FRMPD4: variants seen among roughly 807,000 people sequenced by gnomAD.
FRMPD4 encodes FERM and PDZ domain containing 4, also known as FERM and PDZ domain-containing protein 4.
In FRMPD4, 22 loss-of-function variants were observed where a neutral mutation model predicts 94.1. The ratio of observed to expected loss-of-function variants is 0.23; its 90% CI spans 0.17 to 0.33. FRMPD4 has a LOEUF of 0.33. Ranked by LOEUF, FRMPD4 falls within the 10% of genes least tolerant of loss-of-function variation. The probability of loss-of-function intolerance (pLI) is 1.00; values close to 1 mark genes in which losing one functional copy is unlikely to be tolerated. For missense variants in FRMPD4, 1,111 were observed against 1,339.9 expected (o/e 0.83, Z 2.67); for synonymous variants, 631 against 548.6 (o/e 1.15, Z -2.10).
intron 1 of FRMPD4, among the ~76,000 whole-genome samples, chrX:11,841,622 A>T (rs1358707120): frequency 3.6e-5 from 4 of 111,287 alleles, no homozygotes; most frequent in Non-Finnish European, 7.5e-5. Flanking sequence ...AATGTGTTTG[A>T]GTTCATTGTA....
At chrX:11,907,971 T>C (rs188862850) in intron 3 of FRMPD4, among the ~76,000 whole-genome samples, 1 of 110,003 alleles carries the variant, frequency 9.1e-6, no homozygotes, top group Admixed American at 9.7e-5. Context: ...CTTCTCCTCT[T>C]CTTTGTCCTC....
chrX:12,127,529 G>A (rs865090), intron 3 of FRMPD4, among the ~76,000 whole-genome samples: 11,116 of 111,171 alleles, frequency 0.1, 491 homozygotes, highest in African/African-American at 0.15. Context: ...CCACAGGTGG[G>A]GATTATGAGA....
At chrX:12,254,531 G>C (rs1263374752) in intron 1 of FRMPD4, among the ~76,000 whole-genome samples, 1 of 111,876 alleles carries the variant, frequency 8.9e-6, no homozygotes, top group African/African-American at 3.2e-5. Flanking sequence ...GCTGGTGGCA[G>C]AAAGGCAGGC....
chrX:12,386,183 C>T lies in FRMPD4; in HGVS notation c.42-112497C>T, dbSNP rs1375212082. ...AAACCAGGTGTTCAGAGTTAAATCT[C>T]ATAACATCTGGAAGGAGCTCAGTGC... On this transcript the variant is annotated intron_variant, in intron 1 of 16. Coordinates refer to ENST00000675598, the MANE Select transcript of FRMPD4 (RefSeq NM_001368397.1). Among the ~76,000 whole-genome samples the T allele has an allele frequency of 4.4e-5, 5 of 112,589 alleles. No individual in the cohort carries two copies. In the South Asian group the frequency reaches 1.1e-3, roughly 25 times the overall value.
intron 1 of FRMPD4, among the ~76,000 whole-genome samples, chrX:12,470,272 G>A (rs1347092135): frequency 1.8e-5 from 2 of 111,760 alleles, no homozygotes; most frequent in African/African-American, 6.5e-5. Flanking sequence ...GGAAATTGTC[G>A]TTAACATCTC....
intron 2 of FRMPD4, among the ~76,000 whole-genome samples, chrX:12,505,696 C>T (rs1026742723): frequency 9.4e-4 from 91 of 96,414 alleles, no homozygotes; most frequent in African/African-American, 3.2e-3. Flanking sequence ...CATTGCACTC[C>T]AGCCTGGGCA....
chrX:12,297,172 A>C (rs1292636917), intron 1 of FRMPD4, among the ~76,000 whole-genome samples: 9 of 112,901 alleles, frequency 8.0e-5, no homozygotes, highest in Non-Finnish European at 1.3e-4. Context: ...CTACCAGTTT[A>C]ACCTGAGCTA....
intron 2 of FRMPD4, among the ~76,000 whole-genome samples, chrX:12,524,725 T>C (rs2058202853): frequency 9.0e-6 from 1 of 111,541 alleles, no homozygotes; most frequent in Non-Finnish European, 1.9e-5. Context: ...ACCTTGATAT[T>C]CTCTGCCTCC....
At chrX:12,370,069 T>C (rs73632682) in intron 1 of FRMPD4, among the ~76,000 whole-genome samples, 5,250 of 111,986 alleles carry the variant, frequency 0.047, 292 homozygotes, top group African/African-American at 0.16. Flanking sequence ...TTTATCATAA[T>C]TTTCCAATTT....
intron 1 of FRMPD4, among the ~76,000 whole-genome samples, chrX:12,154,977 G>A (rs955471866): frequency 2.7e-5 from 3 of 112,214 alleles, no homozygotes; most frequent in Non-Finnish European, 5.6e-5. Context: ...TCTTTGTGAG[G>A]CTCTTTCTTT....
chrX:12,116,045 T>C (rs1214139624), intron 3 of FRMPD4, among the ~76,000 whole-genome samples: 1 of 112,542 alleles, frequency 8.9e-6, no homozygotes, highest in Non-Finnish European at 1.9e-5. Context: ...CCATCAGTCT[T>C]ACTATTGTGA....
intron 1 of FRMPD4, among the ~76,000 whole-genome samples, chrX:12,227,923 G>GTT (rs1035625603): frequency 9.0e-6 from 1 of 111,525 alleles, no homozygotes; most frequent in Non-Finnish European, 1.9e-5. Flanking sequence ...GTGTGTGTGT[G>GTT]TGTACATGGA....
intron 8 of FRMPD4, among the ~76,000 whole-genome samples, chrX:12,693,512 C>T (rs1291559895): frequency 8.9e-6 from 1 of 111,906 alleles, no homozygotes; most frequent in African/African-American, 3.3e-5. Flanking sequence ...TTTTAAGCTC[C>T]ATTGAGCAAG....
At chrX:12,264,785 AT>A (rs1390668513) in intron 1 of FRMPD4, among the ~76,000 whole-genome samples, 1 of 112,544 alleles carries the variant, frequency 8.9e-6, no homozygotes, top group Non-Finnish European at 1.9e-5. Context: ...TGACAAAGTT[AT>A]TTTAAGATAT....
intron 1 of FRMPD4, among the ~76,000 whole-genome samples, chrX:12,480,333 G>GA (rs35074731): frequency 0.14 from 7,626 of 54,618 alleles, 757 homozygotes; most frequent in African/African-American, 0.25. Context: ...GAAAAGAAAT[G>GA]AAAAAAAAAA....
intron 3 of FRMPD4, among the ~76,000 whole-genome samples, chrX:11,910,937 CA>C (rs371287212): frequency 0.05 from 4,505 of 89,503 alleles, 248 homozygotes; most frequent in African/African-American, 0.16. Flanking sequence ...CCCCTGCCCA[CA>C]AAAAAAAAAA....
intron 2 of FRMPD4, among the ~76,000 whole-genome samples, chrX:12,542,921 C>G (rs1180429506): frequency 2.7e-5 from 3 of 111,686 alleles, no homozygotes; most frequent in Non-Finnish European, 5.6e-5. Context: ...ACAGAGCCCT[C>G]AGAAATAATA....
chrX:11,909,623 A>T (rs965484382), intron 3 of FRMPD4, among the ~76,000 whole-genome samples: 7 of 109,989 alleles, frequency 6.4e-5, no homozygotes, highest in African/African-American at 2.0e-4. Context: ...GGAGCTTAAA[A>T]CACTGATCTG....
At chrX:12,287,293 A>C (rs1432251273) in intron 1 of FRMPD4, among the ~76,000 whole-genome samples, 1 of 111,701 alleles carries the variant, frequency 9.0e-6, no homozygotes, top group African/African-American at 3.3e-5. Flanking sequence ...TGAGTCTCAA[A>C]GCCCAAGAAA....
Sources: gnomAD v4.1 joint callset for allele counts (sites outside exome capture counted in the v4.1 genomes callset) on GRCh38, gnomAD v4.1.1 for gene constraint, MANE v1.5 for transcripts, NCBI Gene and HGNC (gene_info 2026-07-23, HGNC 2026-07-21) for gene names.